ARHGAP22: variants seen among roughly 807,000 people sequenced by gnomAD.
ARHGAP22 encodes the protein rho GTPase-activating protein 22.
In ARHGAP22, 48 loss-of-function variants were observed where a neutral mutation model predicts 59.1. The observed-to-expected ratio is 0.81, with a 90% CI of 0.64 to 1.03. ARHGAP22 has a LOEUF of 1.03. ARHGAP22 is among the 50% of genes least tolerant of loss of function. The probability of loss-of-function intolerance (pLI) is 0.00; values close to 1 mark genes in which losing one functional copy is unlikely to be tolerated. For missense variants in ARHGAP22, 1,015 were observed against 958.7 expected (o/e 1.06, Z -0.78); for synonymous variants, 445 against 416.4 (o/e 1.07, Z -0.84).
chr10:48,486,259 T>C (rs1315645854), intron 3 of ARHGAP22, among the ~76,000 whole-genome samples: 3 of 152,052 alleles, frequency 2.0e-5, no homozygotes, highest in Non-Finnish European at 4.4e-5. Flanking sequence ...TTTTTTGCAA[T>C]GTTTATCTTA....
rs200792976 is a variant in ARHGAP22 at position 48,547,649 on chromosome 10, TCTC to T, written c.322+7811_322+7813del. Reference sequence around the variant, plus strand: ...CCTTCTGCACCAGAAAACAGAGCACTCTCCTCCTCCTCCTTTTCCTCAGATCCA... The same window carrying T: ...CCTTCTGCACCAGAAAACAGAGCACTCTCCTCCTCCTTTTCCTCAGATCCA... On this transcript the variant is annotated intron_variant, in intron 3 of 9. Coordinates refer to ENST00000249601, the MANE Select transcript of ARHGAP22 (RefSeq NM_021226.4). Among the ~76,000 whole-genome samples the T allele has an allele frequency of 5.8e-3, 886 of 152,246 alleles. 5 individuals are homozygous for T. The highest frequency in any genetic ancestry group is 0.018 in the African/African-American group (751 of 41,536).
intron 1 of ARHGAP22, among the ~76,000 whole-genome samples, chr10:48,603,837 C>T (rs2060525858): frequency 6.6e-6 from 1 of 152,230 alleles, no homozygotes; most frequent in Admixed American, 6.5e-5. Context: ...GGTGTGTTCC[C>T]TGTGAATCCA....
intron 2 of ARHGAP22, among the ~76,000 whole-genome samples, chr10:48,569,064 G>A (rs1214107207): frequency 6.6e-6 from 1 of 152,192 alleles, no homozygotes; most frequent in African/African-American, 2.4e-5. Flanking sequence ...TGGAGTGGGT[G>A]GGGCCCTCCT....
intron 1 of ARHGAP22, among the ~76,000 whole-genome samples, chr10:48,628,701 G>A (rs145554627): frequency 3.0e-4 from 45 of 152,244 alleles, no homozygotes; most frequent in Non-Finnish European, 6.3e-4. Flanking sequence ...TGACAATATA[G>A]TCAAAGTATA....
At chr10:48,454,009 G>T (rs1008647217) in intron 7 of ARHGAP22, 79 bp downstream of exon 7, 7 of 1,443,418 alleles carry the variant, frequency 4.8e-6, no homozygotes, top group Non-Finnish European at 6.8e-6. Context: ...ACAAGGAAGA[G>T]TTGCGTGTCT....
In ARHGAP22 at chr10:48,451,139, G is replaced by A. The variant is rs1469586455; in HGVS notation, c.990C>T (p.Gly330=). Residue 330 remains glycine (G), a splice_region_variant and synonymous_variant, in exon 9 of 10, where the codon GGC becomes GGT. Transcript: ENST00000249601. Reference sequence around the variant, plus strand: ...TCATCAGGTGCTGGACGAGGGAAGTGCCTGCCGGGAAGAGAGGCGGAGAAG... The same window carrying A: ...TCATCAGGTGCTGGACGAGGGAAGTACCTGCCGGGAAGAGAGGCGGAGAAG... The part of the protein sequence containing the change: ...QVEDPVTIME[G]TSLVQHLMTV... 18 of 1,551,648 alleles carry A rather than the reference G, an allele frequency of 1.2e-5. No individual in the cohort carries two copies. The highest frequency in any genetic ancestry group is 9.8e-5 in the Admixed American group (5 of 51,152).
upstream of ARHGAP22, among the ~76,000 whole-genome samples, chr10:48,610,059 A>G (rs569578704): frequency 6.6e-6 from 1 of 152,158 alleles, no homozygotes. Context: ...CTTTCTCTCC[A>G]CCCACTGTTC....
chr10:48,491,728 C>T (rs1386081256), intron 3 of ARHGAP22, among the ~76,000 whole-genome samples: 4 of 152,232 alleles, frequency 2.6e-5, no homozygotes, highest in African/African-American at 7.2e-5. Flanking sequence ...GACTGATGAG[C>T]GTGAGTAGTG....
chr10:48,594,780 G>A (rs2059965354), intron 1 of ARHGAP22, among the ~76,000 whole-genome samples: 1 of 152,034 alleles, frequency 6.6e-6, no homozygotes, highest in Non-Finnish European at 1.5e-5. Flanking sequence ...TAGGTACAGG[G>A]GTGTACTTCA....
chr10:48,444,745 C>T (rs143148033), downstream of ARHGAP22: 1 of 152,360 alleles, frequency 6.6e-6, no homozygotes, highest in East Asian at 1.9e-4. Context: ...GCTGTTCCCA[C>T]CCAATTTCTC....
chr10:48,472,563 A>G lies in ARHGAP22; in HGVS notation c.451+7073T>C, dbSNP rs2048331623. Among the ~76,000 whole-genome samples the G allele has an allele frequency of 2.0e-5, 3 of 152,144 alleles. No individual in the cohort carries two copies. The South Asian group carries it at 6.2e-4, about 31-fold the overall frequency. The stretch of plus-strand genomic sequence containing the variant: ...ATAAAATAAAACAAAATAAAATAAA[A>G]TAACAGCTAGAGTACTAAAAGGGGC... On this transcript the variant is annotated intron_variant, in intron 4 of 9. Coordinates refer to ENST00000249601, the MANE Select transcript of ARHGAP22 (RefSeq NM_021226.4).
At chr10:48,589,551 C>T (rs573432565) in intron 1 of ARHGAP22, among the ~76,000 whole-genome samples, 1 of 152,282 alleles carries the variant, frequency 6.6e-6, no homozygotes, top group South Asian at 2.1e-4. Context: ...TGTCTCTCCC[C>T]AACCCACTTC....
chr10:48,450,981 G>C lies in ARHGAP22; in HGVS notation c.1148C>G (p.Pro383Arg). 1 of 1,561,628 alleles carries C rather than the reference G, an allele frequency of 6.4e-7. No individual in the cohort carries two copies. Among genetic ancestry groups the C allele is most frequent in the Non-Finnish European group, 8.7e-7 (1 of 1,153,558 alleles). The change falls in exon 9 of 10, where the codon CCC becomes CGC. Residue 383 changes from proline (P) to arginine (R), a missense_variant. Transcript: ENST00000249601. ...EEVTRDSQGE[P>R]GGPGLPAHRT... ...GTGCGCGGGCAGGCCGGGGCCGCCG[G>C]GCTCTCCTTGGCTGTCCCTGGTGAC... is the stretch of plus-strand genomic sequence containing the variant.
chr10:48,572,862 T>C (rs2058484368), intron 2 of ARHGAP22, among the ~76,000 whole-genome samples: 1 of 152,216 alleles, frequency 6.6e-6, no homozygotes, highest in South Asian at 2.1e-4. Flanking sequence ...ATGGCATCAC[T>C]TCTGTCTTAT....
intron 3 of ARHGAP22, among the ~76,000 whole-genome samples, chr10:48,509,693 G>A (rs2052552214): frequency 6.6e-6 from 1 of 152,116 alleles, no homozygotes. Flanking sequence ...CACTATCAGT[G>A]CCTTCCCAGA....
intron 2 of ARHGAP22, among the ~76,000 whole-genome samples, chr10:48,576,195 C>T (rs114783246): frequency 6.5e-4 from 99 of 152,314 alleles, no homozygotes; most frequent in African/African-American, 2.3e-3. Context: ...ACATAGCATC[C>T]ATGGACCTCC....
chr10:48,435,046 G>T, the ARHGAP22 span: 53 of 1,506,072 alleles, frequency 3.5e-5, no homozygotes, highest in South Asian at 4.4e-4. Flanking sequence ...GGGCCATCGG[G>T]GGGTGGGAGG....
At chr10:48,637,362 A>G (rs966366569) in intron 1 of ARHGAP22, among the ~76,000 whole-genome samples, 2 of 150,000 alleles carry the variant, frequency 1.3e-5, no homozygotes, top group African/African-American at 4.9e-5. Context: ...TGGATGGTGA[A>G]TGAATGAGTG....
chr10:48,632,347 A>T (rs1458959856), intron 1 of ARHGAP22, among the ~76,000 whole-genome samples: 1 of 152,210 alleles, frequency 6.6e-6, no homozygotes, highest in East Asian at 1.9e-4. Flanking sequence ...TCCAGTAGTT[A>T]TGCAATCCTA....
Sources: allele counts gnomAD v4.1 joint callset (sites outside exome capture counted in the v4.1 genomes callset), GRCh38; gene constraint gnomAD v4.1.1; transcripts MANE v1.5; gene names NCBI Gene and HGNC (gene_info 2026-07-23, HGNC 2026-07-21).